The following RALGPS2 variants were observed in gnomAD, a reference collection of about 807,000 sequenced individuals.
RALGPS2 encodes Ral GEF with PH domain and SH3 binding motif 2.
RALGPS2 carries 43 observed loss-of-function variants against 86.8 expected under a neutral mutation model. That is an observed-to-expected ratio of 0.50 (90% CI 0.39 to 0.64). The LOEUF (loss-of-function observed/expected upper bound fraction) is 0.64, where lower values mean the gene tolerates loss of function less well. Ranked by LOEUF, RALGPS2 falls within the 30% of genes least tolerant of loss-of-function variation. RALGPS2 has a pLI of 0.00. For synonymous variants in RALGPS2, 243 were observed against 231.3 expected (o/e 1.05, Z -0.46); for missense variants, 536 against 694.6 (o/e 0.77, Z 2.57).
intron 7 of RALGPS2, among the ~76,000 whole-genome samples, chr1:178,832,517 C>A (rs138472234): frequency 1.3e-5 from 2 of 152,232 alleles, no homozygotes; most frequent in African/African-American, 4.8e-5. Context: ...ACCTTGTGAT[C>A]TCAGTCTCTT....
chr1:178,794,820 T>C (rs1654112687), intron 4 of RALGPS2, among the ~76,000 whole-genome samples: 1 of 152,192 alleles, frequency 6.6e-6, no homozygotes, highest in African/African-American at 2.4e-5. Flanking sequence ...TTGCCTCTTT[T>C]ATGAGGGTCT....
chr1:178,754,416 A>G (rs115196394), intron 1 of RALGPS2, among the ~76,000 whole-genome samples: 5,519 of 152,270 alleles, frequency 0.036, 124 homozygotes, highest in Middle Eastern at 0.058. Context: ...GAAAAGCAGG[A>G]GAGCCGGTGG....
chr1:178,878,769 A>G (rs1659105090), intron 9 of RALGPS2, 133 bp from the exon 10 acceptor site: 3 of 1,177,648 alleles, frequency 2.5e-6, no homozygotes, highest in Non-Finnish European at 3.5e-6. Flanking sequence ...TATCTCAGTA[A>G]TGTCCTTCTA....
chr1:178,844,200 AT>A (rs1287658743), intron 8 of RALGPS2, among the ~76,000 whole-genome samples: 2 of 152,176 alleles, frequency 1.3e-5, no homozygotes. Context: ...TGCTTTATTC[AT>A]TATGTCTGCA....
At chr1:178,730,939 T>A (rs1431645138) in intron 1 of RALGPS2, among the ~76,000 whole-genome samples, 3 of 152,100 alleles carry the variant, frequency 2.0e-5, no homozygotes, top group Admixed American at 2.0e-4. Context: ...CTCAAGTGAT[T>A]CGCCCACCTC....
intron 9 of RALGPS2, among the ~76,000 whole-genome samples, chr1:178,878,056 T>C (rs1423582899): frequency 1.3e-5 from 2 of 152,094 alleles, no homozygotes; most frequent in Non-Finnish European, 1.5e-5. Context: ...TAAATCGTTC[T>C]TACAGTTTTC....
intron 8 of RALGPS2, among the ~76,000 whole-genome samples, chr1:178,846,800 T>C (rs1452788778): frequency 6.6e-6 from 1 of 152,228 alleles, no homozygotes; most frequent in Non-Finnish European, 1.5e-5. Flanking sequence ...CAGTGATTTG[T>C]TTTGTAATTT....
intron 4 of RALGPS2, among the ~76,000 whole-genome samples, chr1:178,788,451 A>G (rs1258003088): frequency 6.6e-6 from 1 of 152,204 alleles, no homozygotes; most frequent in Non-Finnish European, 1.5e-5. Context: ...AGAAGAGAAT[A>G]GGAAGTGTGA....
At chr1:178,809,738 T>A (rs1654889256) in intron 5 of RALGPS2, among the ~76,000 whole-genome samples, 1 of 152,038 alleles carries the variant, frequency 6.6e-6, no homozygotes, top group Non-Finnish European at 1.5e-5. Context: ...GTGGCTGGAT[T>A]TATTACATAG....
chr1:178,791,425 T>G (rs1394489957), intron 4 of RALGPS2, among the ~76,000 whole-genome samples: 2 of 152,156 alleles, frequency 1.3e-5, no homozygotes, highest in East Asian at 3.9e-4. Flanking sequence ...CACACCAGGC[T>G]GAAAACTATT....
chr1:178,875,462 A>G (rs1253021773), intron 8 of RALGPS2, among the ~76,000 whole-genome samples: 1 of 152,086 alleles, frequency 6.6e-6, no homozygotes, highest in Admixed American at 6.5e-5. Context: ...AAACATGTAT[A>G]TTGGGCCAGG....
At chr1:178,785,087 C>G (rs912897658) in intron 3 of RALGPS2, among the ~76,000 whole-genome samples, 8 of 151,906 alleles carry the variant, frequency 5.3e-5, no homozygotes, top group African/African-American at 9.7e-5. Context: ...TGTCTTATAT[C>G]TATAGCCATA....
chr1:178,837,714 C>CT, intron 8 of RALGPS2, among the ~76,000 whole-genome samples: 1 of 59,332 alleles, frequency 1.7e-5, no homozygotes, highest in Non-Finnish European at 3.8e-5. Flanking sequence ...CCCACCGAGC[C>CT]GAAGCAGGGC....
intron 8 of RALGPS2, among the ~76,000 whole-genome samples, chr1:178,877,094 C>T (rs538534676): frequency 1.5e-3 from 223 of 152,176 alleles, no homozygotes; most frequent in Non-Finnish European, 2.4e-3. Context: ...AAAATGGATA[C>T]TTGCATAGGT....
intron 8 of RALGPS2, among the ~76,000 whole-genome samples, chr1:178,857,174 G>C (rs532432479): frequency 6.6e-6 from 1 of 152,202 alleles, no homozygotes; most frequent in Non-Finnish European, 1.5e-5. Flanking sequence ...TTCATACTTA[G>C]ATTATTGCGT....
chr1:178,758,815 T>G (rs1477331667), intron 1 of RALGPS2, among the ~76,000 whole-genome samples: 1 of 152,214 alleles, frequency 6.6e-6, no homozygotes, highest in Non-Finnish European at 1.5e-5. Context: ...TGATGGACAC[T>G]TACAGTGATG....
intron 8 of RALGPS2, among the ~76,000 whole-genome samples, chr1:178,862,630 TTTGG>T (rs138980609): frequency 0.018 from 2,610 of 145,418 alleles, 77 homozygotes; most frequent in African/African-American, 0.062. Flanking sequence ...TATTTATTTA[TTTGG>T]TTGGTTGGTT....
chr1:178,772,940 T>G (rs1221691888), intron 1 of RALGPS2, among the ~76,000 whole-genome samples: 1 of 152,128 alleles, frequency 6.6e-6, no homozygotes, highest in Non-Finnish European at 1.5e-5. Flanking sequence ...AAGCTGGGAT[T>G]ACAGGCACGT....
chr1:178,727,659 C>G (rs987909839), intron 1 of RALGPS2, among the ~76,000 whole-genome samples: 1 of 152,050 alleles, frequency 6.6e-6, no homozygotes, highest in Non-Finnish European at 1.5e-5. Context: ...CTTTTTATTA[C>G]GTCATTAGAG....
Sources: gnomAD v4.1 joint callset for allele counts (sites outside exome capture counted in the v4.1 genomes callset) on GRCh38, gnomAD v4.1.1 for gene constraint, MANE v1.5 for transcripts, NCBI Gene and HGNC (gene_info 2026-07-23, HGNC 2026-07-21) for gene names.